The following HTR7 variants were observed in gnomAD, a reference collection of about 807,000 sequenced individuals.
The protein encoded by HTR7 is 5-HT-7.
In HTR7, 16 loss-of-function variants were observed where a neutral mutation model predicts 34.0. The observed-to-expected ratio is 0.47, with a 90% CI of 0.32 to 0.71. HTR7 has a LOEUF of 0.71. Ranked by LOEUF, HTR7 falls within the 30% of genes least tolerant of loss-of-function variation. HTR7 has a pLI of 0.04. For missense variants in HTR7, 504 were observed against 625.5 expected (o/e 0.81, Z 2.07); for synonymous variants, 265 against 260.2 (o/e 1.02, Z -0.18).
At chr10:90,762,840 T>C (rs1414319383) in intron 1 of HTR7, among the ~76,000 whole-genome samples, 1 of 152,210 alleles carries the variant, frequency 6.6e-6, no homozygotes, top group Non-Finnish European at 1.5e-5. Flanking sequence ...TTGGATTTCA[T>C]TCTTTTACAT....
chr10:90,824,108 C>A (rs978084758), intron 1 of HTR7, among the ~76,000 whole-genome samples: 13 of 152,370 alleles, frequency 8.5e-5, no homozygotes, highest in African/African-American at 3.1e-4. Flanking sequence ...CAGCTCTGAA[C>A]AAGATTCCTT....
At chr10:90,842,672 T>G (rs1846347887) in intron 1 of HTR7, among the ~76,000 whole-genome samples, 1 of 152,052 alleles carries the variant, frequency 6.6e-6, no homozygotes, top group South Asian at 2.1e-4. Context: ...CCCATGGCTT[T>G]CTTTCTGGGA....
chr10:90,792,457 C>T (rs1480228553), intron 1 of HTR7, among the ~76,000 whole-genome samples: 1 of 150,504 alleles, frequency 6.6e-6, no homozygotes, highest in Admixed American at 6.6e-5. Context: ...ATAAACATAT[C>T]TTTTTCATAG....
At chr10:90,819,435 G>A (rs1369722937) in intron 1 of HTR7, among the ~76,000 whole-genome samples, 1 of 152,162 alleles carries the variant, frequency 6.6e-6, no homozygotes, top group Admixed American at 6.5e-5. Flanking sequence ...GAGATGCCTA[G>A]GGCTGGGGAT....
intron 1 of HTR7, among the ~76,000 whole-genome samples, chr10:90,815,883 T>C (rs958176382): frequency 6.6e-6 from 1 of 152,202 alleles, no homozygotes; most frequent in African/African-American, 2.4e-5. Flanking sequence ...CAAAAGTCTG[T>C]GAGCACTTCC....
chr10:90,834,474 A>G (rs1846224961), intron 1 of HTR7, among the ~76,000 whole-genome samples: 1 of 152,164 alleles, frequency 6.6e-6, no homozygotes, highest in South Asian at 2.1e-4. Context: ...CTTAAACCAC[A>G]GCCTTTTATT....
chr10:90,789,312 T>G (rs1428790200), intron 1 of HTR7, among the ~76,000 whole-genome samples: 4 of 152,168 alleles, frequency 2.6e-5, no homozygotes, highest in Non-Finnish European at 4.4e-5. Flanking sequence ...GCCTACATGG[T>G]CTTCACAACT....
intron 1 of HTR7, among the ~76,000 whole-genome samples, chr10:90,771,187 A>C (rs563900943): frequency 1.3e-5 from 2 of 152,180 alleles, no homozygotes; most frequent in Non-Finnish European, 2.9e-5. Context: ...TAGGAGCTGA[A>C]CACTCAATGG....
At chr10:90,830,961 C>A (rs1001839088) in intron 1 of HTR7, among the ~76,000 whole-genome samples, 1 of 152,210 alleles carries the variant, frequency 6.6e-6, no homozygotes, top group Non-Finnish European at 1.5e-5. Flanking sequence ...TCCGGTGCAC[C>A]TTCAGAGTTC....
At chr10:90,854,134 G>C (rs560100131) in intron 1 of HTR7, among the ~76,000 whole-genome samples, 17 of 152,362 alleles carry the variant, frequency 1.1e-4, no homozygotes, top group African/African-American at 3.8e-4. Context: ...GGGAGGCCGA[G>C]GTGGGCGGAT....
At chr10:90,809,684 G>T (rs1845770549) in intron 1 of HTR7, among the ~76,000 whole-genome samples, 1 of 152,196 alleles carries the variant, frequency 6.6e-6, no homozygotes, top group African/African-American at 2.4e-5. Context: ...AACCTCCTCT[G>T]CCAGGAGCTT....
chr10:90,845,204 C>T (rs955020259), intron 1 of HTR7, among the ~76,000 whole-genome samples: 6 of 152,078 alleles, frequency 3.9e-5, no homozygotes, highest in African/African-American at 7.2e-5. Flanking sequence ...GAACCTTGGA[C>T]GAGGAACAAG....
At chr10:90,856,968 G>A (rs993995781) in intron 1 of HTR7, among the ~76,000 whole-genome samples, 165 bp downstream of exon 1, 34 of 152,172 alleles carry the variant, frequency 2.2e-4, no homozygotes, top group African/African-American at 7.0e-4. Flanking sequence ...TGCCGTAACC[G>A]AAGTTTGGTT....
Position 90,741,124 on chromosome 10 carries a change from C to T in HTR7, c.*1358G>A, listed in dbSNP as rs1023188207. 3 of 152,548 alleles carry T rather than the reference C, an allele frequency of 2.0e-5. No homozygotes were observed. The highest frequency in any genetic ancestry group is 7.2e-5 in the African/African-American group (3 of 41,422). 9.4% of individuals were successfully genotyped at this position (152,548 alleles called of 1,614,324 possible). ...AATCCATGTCAGAATTCCACTTTAT[C>T]CTGTGAGAGGACAGCTTGCTTTATT... On this transcript the variant is annotated 3_prime_UTR_variant, in exon 4 of 4. Transcript: ENST00000336152.
chr10:90,742,520 G>T lies in HTR7; in HGVS notation c.1402C>A (p.Leu468Met), dbSNP rs1221136957. Residue 468 changes from leucine to methionine, a missense_variant, in exon 4 of 4, where the codon CTG becomes ATG. Coordinates refer to ENST00000336152, the MANE Select transcript of HTR7 (RefSeq NM_019859.4). Reference protein sequence around the residue: ...DHHNWLADKMLTTVEKKVMIH... With the variant: ...DHHNWLADKMMTTVEKKVMIH... ...ATGACCTTTTTTTCTACAGTAGTCA[G>T]CATTTTGTCTAAAAAAAAGAGAGAG... 5 of 1,588,570 alleles carry T rather than the reference G, an allele frequency of 3.1e-6. No individual in the cohort carries two copies. Among genetic ancestry groups the T allele is most frequent in the East Asian group, 2.2e-5 (1 of 44,698 alleles).
chr10:90,829,248 C>T lies in HTR7; in HGVS notation c.539+27885G>A, dbSNP rs752040198. 9.9e-5 allele frequency among the ~76,000 whole-genome samples: 15 copies of T among 152,184 alleles called. No individual in the cohort carries two copies. The South Asian group carries it at 1.5e-3, about 15-fold the overall frequency. Reference sequence around the variant, plus strand: ...AAAACTGAGTGTAGAAGGAACATACCTAAATAATAAAAACAATATATGACA... The same window carrying T: ...AAAACTGAGTGTAGAAGGAACATACTTAAATAATAAAAACAATATATGACA... On this transcript the variant is annotated intron_variant, in intron 1 of 3. Coordinates refer to ENST00000336152, the MANE Select transcript of HTR7 (RefSeq NM_019859.4).
intron 1 of HTR7, among the ~76,000 whole-genome samples, chr10:90,816,958 C>T (rs964500342): frequency 1.3e-5 from 2 of 152,216 alleles, no homozygotes; most frequent in Non-Finnish European, 2.9e-5. Context: ...GCCCTCTATG[C>T]CATCTGGCCT....
At chr10:90,759,380 G>A (rs1007281139) in intron 1 of HTR7, among the ~76,000 whole-genome samples, 43 of 152,044 alleles carry the variant, frequency 2.8e-4, no homozygotes, top group African/African-American at 9.9e-4. Context: ...GAAAGGCCGG[G>A]CGCGGTGGCT....
chr10:90,758,737 A>G (rs1236476749), intron 1 of HTR7, among the ~76,000 whole-genome samples: 1 of 152,182 alleles, frequency 6.6e-6, no homozygotes, highest in East Asian at 1.9e-4. Flanking sequence ...TAGTAAAGTT[A>G]TTGAACTTCA....
Sources: allele counts gnomAD v4.1 joint callset (sites outside exome capture counted in the v4.1 genomes callset), GRCh38; gene constraint gnomAD v4.1.1; transcripts MANE v1.5; gene names NCBI Gene and HGNC (gene_info 2026-07-23, HGNC 2026-07-21).